XKR4: variants seen among roughly 807,000 people sequenced by gnomAD.
XKR4 encodes the protein XK related 4, also known as XK-related protein 4.
In XKR4, 12 loss-of-function variants were observed where a neutral mutation model predicts 53.9. The ratio of observed to expected loss-of-function variants is 0.22; its 90% confidence interval spans 0.14 to 0.36. The LOEUF is 0.36. Ranked by LOEUF, XKR4 falls within the 10% of genes least tolerant of loss-of-function variation. XKR4 has a pLI of 1.00. For missense variants in XKR4, 799 were observed against 859.5 expected (o/e 0.93, Z 0.88); for synonymous variants, 354 against 362.4 (o/e 0.98, Z 0.26).
At chr8:55,210,914 T>C (rs1340423412) in intron 1 of XKR4, among the ~76,000 whole-genome samples, 5 of 152,238 alleles carry the variant, frequency 3.3e-5, no homozygotes, top group East Asian at 3.8e-4. Context: ...TAGCTTGAGT[T>C]ACTCCATGCT....
chr8:55,113,052 TG>T (rs889889236), intron 1 of XKR4, among the ~76,000 whole-genome samples: 7 of 152,138 alleles, frequency 4.6e-5, no homozygotes, highest in African/African-American at 1.7e-4. Context: ...TAGAGGGGTG[TG>T]GGTTTCCTTA....
intron 2 of XKR4, among the ~76,000 whole-genome samples, chr8:55,406,140 A>G (rs892126690): frequency 2.0e-5 from 3 of 152,230 alleles, no homozygotes; most frequent in Admixed American, 6.5e-5. Context: ...ATTTAACAGT[A>G]ATAAGACTTG....
chr8:55,170,400 T>A (rs1193312610), intron 1 of XKR4, among the ~76,000 whole-genome samples: 1 of 152,128 alleles, frequency 6.6e-6, no homozygotes, highest in Non-Finnish European at 1.5e-5. Context: ...GTCACAGGCA[T>A]GCTGTGGAGA....
rs546582153 is a variant in XKR4 at position 55,104,117 on chromosome 8, G to A, written c.806+823G>A. 2.0e-5 allele frequency among the ~76,000 whole-genome samples: 3 copies of A among 152,116 alleles called. No homozygotes were observed. The South Asian group carries it at 6.2e-4, about 32-fold the overall frequency. ...GTCTTTTTACACAGGGATCACTTCA[G>A]TTATAAACTGGAATACAAGGCTAAA... On this transcript the variant is annotated intron_variant, in intron 1 of 2. Transcript: ENST00000327381.
intron 1 of XKR4, among the ~76,000 whole-genome samples, chr8:55,315,512 C>T (rs1819459940): frequency 6.6e-6 from 1 of 152,100 alleles, no homozygotes; most frequent in Non-Finnish European, 1.5e-5. Flanking sequence ...ACTCAGCACC[C>T]GTTTGAATGG....
intron 1 of XKR4, among the ~76,000 whole-genome samples, chr8:55,248,577 C>T (rs16921497): frequency 0.022 from 3,363 of 152,298 alleles, 134 homozygotes; most frequent in African/African-American, 0.076. Flanking sequence ...AATGGCCCTT[C>T]TACTTCTCAA....
chr8:55,460,092 A>G (rs1805631342), intron 2 of XKR4, among the ~76,000 whole-genome samples: 1 of 152,154 alleles, frequency 6.6e-6, no homozygotes, highest in Non-Finnish European at 1.5e-5. Context: ...GATACTATTC[A>G]GCAATACAAA....
chr8:55,181,690 G>A (rs1233349575), intron 1 of XKR4, among the ~76,000 whole-genome samples: 1 of 152,014 alleles, frequency 6.6e-6, no homozygotes, highest in Non-Finnish European at 1.5e-5. Context: ...TGGGGATAGA[G>A]GAAAGGAAAA....
intron 1 of XKR4, among the ~76,000 whole-genome samples, chr8:55,308,276 A>T (rs929006636): frequency 6.6e-6 from 1 of 152,116 alleles, no homozygotes; most frequent in African/African-American, 2.4e-5. Context: ...GAAAATAAAT[A>T]AATAAAGATA....
chr8:55,524,174 T>C lies in XKR4; in HGVS notation c.1900T>C (p.Tyr634His). Residue 634 changes from tyrosine to histidine, a missense_variant, in exon 3 of 3, where the codon TAC (tyrosine) becomes CAC (histidine). By Grantham distance (83) the Tyr-to-His change is moderately conservative. Transcript: ENST00000327381. ...TTCCCCATCTCCTCCAAGGCTGCAG[T>C]ACAAAGATGATGCCCTTATTCAGGA... ...ECSPSPPRLQ[Y>H]KDDALIQERL... 6.2e-7 allele frequency: 1 copy of C among 1,614,208 alleles called. No individual in the cohort carries two copies. Among genetic ancestry groups the C allele is most frequent in the Non-Finnish European group, 8.5e-7 (1 of 1,180,028 alleles).
chr8:55,298,316 C>A (rs1397160027), intron 1 of XKR4, among the ~76,000 whole-genome samples: 1 of 152,134 alleles, frequency 6.6e-6, no homozygotes, highest in Non-Finnish European at 1.5e-5. Flanking sequence ...AAATTGAATA[C>A]ATTGCCTGTG....
intron 2 of XKR4, among the ~76,000 whole-genome samples, chr8:55,504,625 A>T (rs1806496656): frequency 6.6e-6 from 1 of 152,074 alleles, no homozygotes; most frequent in Admixed American, 6.6e-5. Context: ...TTTGAGAAGG[A>T]TTTATGGTAA....
chr8:55,541,533 C>A lies in XKR4; in HGVS notation c.*17306C>A, dbSNP rs1585625376. 1 of 152,264 alleles carries A rather than the reference C, an allele frequency of 6.6e-6. No homozygotes were observed. The highest frequency in any genetic ancestry group is 2.4e-5 in the African/African-American group (1 of 41,530). The allele number at this position is 152,264 out of a possible 1,614,324, so 9.4% of individuals were successfully genotyped here. On this transcript the variant is annotated 3_prime_UTR_variant, in exon 3 of 3. Transcript: ENST00000327381. ...ATGACATTCTGATTGTGCAAAAATGCCATTCCTGTGCTTCCCCCTCCATTA... is the reference window on the plus strand; with the variant it reads ...ATGACATTCTGATTGTGCAAAAATGACATTCCTGTGCTTCCCCCTCCATTA...
intron 2 of XKR4, among the ~76,000 whole-genome samples, chr8:55,503,067 C>T (rs1806469002): frequency 6.6e-6 from 1 of 152,064 alleles, no homozygotes; most frequent in African/African-American, 2.4e-5. Flanking sequence ...ATTTGTCTGT[C>T]TTTCTGTCAG....
intron 2 of XKR4, among the ~76,000 whole-genome samples, chr8:55,515,638 T>A (rs552572803): frequency 6.6e-6 from 1 of 152,344 alleles, no homozygotes; most frequent in Non-Finnish European, 1.5e-5. Flanking sequence ...CTAGGAGGCC[T>A]CTTTTAGATC....
chr8:55,142,012 G>T, intron 1 of XKR4: 1 of 450,170 alleles, frequency 2.2e-6, no homozygotes, highest in Non-Finnish European at 4.5e-6. Flanking sequence ...CTCTGGGCTG[G>T]CTTAAGAGAC....
At chr8:55,452,638 G>T in intron 2 of XKR4, 1 of 1,411,828 alleles carries the variant, frequency 7.1e-7, no homozygotes, top group Non-Finnish European at 1.0e-6. Context: ...ATGACATGCA[G>T]CCCCTTGAGG....
Position 55,442,768 on chromosome 8 carries a change from T to C in XKR4, c.1007-80513T>C, listed in dbSNP as rs371401348. On this transcript the variant is annotated intron_variant, in intron 2 of 2. Transcript: ENST00000327381. ...TTCCATTTATATGAATTGTCCAGAA[T>C]AGGAAAATCCAAGACACAGAAGGTA... 2.0e-4 allele frequency among the ~76,000 whole-genome samples: 31 copies of C among 152,218 alleles called. 1 individual carries two copies. In the South Asian group the frequency reaches 6.4e-3, roughly 32 times the overall value.
Position 55,420,377 on chromosome 8 carries a change from G to C in XKR4, c.1006+62500G>C, listed in dbSNP as rs575482954. ...CATTATTCACAATAGCAAAGACTTGGAACCAACCCAAATGTCCAACAATGA... is the reference window on the plus strand; with the variant it reads ...CATTATTCACAATAGCAAAGACTTGCAACCAACCCAAATGTCCAACAATGA... On this transcript the variant is annotated intron_variant, in intron 2 of 2. Transcript: ENST00000327381. Among the ~76,000 whole-genome samples, 219 of 151,930 alleles carry C rather than the reference G, an allele frequency of 1.4e-3. 2 individuals are homozygous for C. The highest frequency in any genetic ancestry group is 4.9e-3 in the African/African-American group (202 of 41,332).
Sources: allele counts gnomAD v4.1 joint callset (sites outside exome capture counted in the v4.1 genomes callset), GRCh38; gene constraint gnomAD v4.1.1; transcripts MANE v1.5; gene names NCBI Gene and HGNC (gene_info 2026-07-23, HGNC 2026-07-21).